ZNF18: variants seen among roughly 807,000 people sequenced by gnomAD.
ZNF18 encodes zinc finger protein 18, also known as heart development-specific gene 1 protein.
In ZNF18, 42 loss-of-function variants were observed where a neutral mutation model predicts 58.1. That is an observed-to-expected ratio of 0.72 (90% CI 0.56 to 0.93). ZNF18 has a LOEUF of 0.93. Among genes scored for constraint, ZNF18 ranks in the 40% least tolerant of loss-of-function variants. ZNF18 has a pLI of 0.00. For synonymous variants in ZNF18, 231 were observed against 239.8 expected (o/e 0.96, Z 0.34); for missense variants, 540 against 644.2 (o/e 0.84, Z 1.75).
At chr17:11,985,692 C>G (rs1306468494) in intron 4 of ZNF18, among the ~76,000 whole-genome samples, 1 of 152,100 alleles carries the variant, frequency 6.6e-6, no homozygotes, top group Non-Finnish European at 1.5e-5. Flanking sequence ...TTCCCAAGAC[C>G]CTGTCCAGGA....
the ZNF18 span, among the ~76,000 whole-genome samples, chr17:12,004,742 C>G: frequency 3.9e-5 from 6 of 152,016 alleles, no homozygotes; most frequent in African/African-American, 1.4e-4. Flanking sequence ...CAAAAATTAG[C>G]TGGGTGTGGT....
chr17:11,988,309 G>C (rs1348291190), intron 4 of ZNF18, among the ~76,000 whole-genome samples: 1 of 152,194 alleles, frequency 6.6e-6, no homozygotes, highest in African/African-American at 2.4e-5. Flanking sequence ...GTGAGCTCTA[G>C]TTATCCAAAC....
upstream of ZNF18, among the ~76,000 whole-genome samples, chr17:11,999,451 T>A (rs1968620343): frequency 6.6e-6 from 1 of 152,226 alleles, no homozygotes; most frequent in Non-Finnish European, 1.5e-5. Context: ...CTTTATAAAC[T>A]GGCACCTTAG....
the ZNF18 span, chr17:12,020,925 G>C: frequency 1.6e-6 from 2 of 1,217,772 alleles, no homozygotes; most frequent in Non-Finnish European, 2.0e-6. Context: ...GCGGCTCCGG[G>C]GGCGGCAGCG....
At chr17:11,986,177 C>T (rs1967729163) in intron 4 of ZNF18, among the ~76,000 whole-genome samples, 1 of 152,218 alleles carries the variant, frequency 6.6e-6, no homozygotes, top group Non-Finnish European at 1.5e-5. Flanking sequence ...TGCCTGCCGC[C>T]ATCCTTGAAA....
the ZNF18 span, among the ~76,000 whole-genome samples, chr17:12,014,997 G>A: frequency 5.3e-5 from 8 of 151,978 alleles, no homozygotes; most frequent in Non-Finnish European, 8.8e-5. Context: ...GCAGTGAGCC[G>A]AGATCAAGCC....
At chr17:12,013,152 G>A in the ZNF18 span, among the ~76,000 whole-genome samples, 5 of 151,988 alleles carry the variant, frequency 3.3e-5, no homozygotes, top group Admixed American at 6.5e-5. Flanking sequence ...GGGTTTCACC[G>A]TGTTAGCTGG....
At chr17:12,017,877 CAAA>C in the ZNF18 span, among the ~76,000 whole-genome samples, 1 of 139,928 alleles carries the variant, frequency 7.1e-6, no homozygotes, top group African/African-American at 2.8e-5. Flanking sequence ...AACACCATCT[CAAA>C]AAAAAAAAAA....
chr17:11,991,222 G>A, intron 2 of ZNF18, 59 bp from the exon 3 acceptor site: 2 of 1,448,686 alleles, frequency 1.4e-6, no homozygotes, highest in Non-Finnish European at 1.9e-6. Flanking sequence ...ATCTCTAAAA[G>A]ACACAAAGCT....
the ZNF18 span, among the ~76,000 whole-genome samples, chr17:12,007,904 A>T: frequency 2.0e-5 from 3 of 152,206 alleles, no homozygotes; most frequent in Admixed American, 2.0e-4. Flanking sequence ...ACACTGGGGA[A>T]CACAGAGAGA....
chr17:12,018,897 C>T, the ZNF18 span, among the ~76,000 whole-genome samples: 12 of 151,042 alleles, frequency 7.9e-5, no homozygotes, highest in Middle Eastern at 3.5e-3. Flanking sequence ...TCCCAATTTC[C>T]CTTAATGAAT....
upstream of ZNF18, among the ~76,000 whole-genome samples, chr17:12,001,246 G>A (rs1312757337): frequency 1.3e-5 from 2 of 152,186 alleles, no homozygotes; most frequent in Non-Finnish European, 2.9e-5. Context: ...ATAGAGAGGT[G>A]TTGATCAAAG....
At chr17:12,013,302 T>A in the ZNF18 span, among the ~76,000 whole-genome samples, 1 of 152,274 alleles carries the variant, frequency 6.6e-6, no homozygotes, top group African/African-American at 2.4e-5. Context: ...ATGTTATAAA[T>A]TGAAACATTT....
chr17:11,983,446 G>C, intron 5 of ZNF18, 39 bp from the exon 6 acceptor site: 2 of 1,493,892 alleles, frequency 1.3e-6, no homozygotes, highest in Non-Finnish European at 1.9e-6. Context: ...TGGATGAATA[G>C]GGAAGACTGG....
the ZNF18 span, chr17:12,020,992 A>G: frequency 8.3e-7 from 1 of 1,207,050 alleles, no homozygotes; most frequent in Non-Finnish European, 1.0e-6. Context: ...GGCCGTCAGC[A>G]GCATGCAGGG....
chr17:12,003,896 C>T, the ZNF18 span, among the ~76,000 whole-genome samples: 2 of 152,146 alleles, frequency 1.3e-5, no homozygotes, highest in Admixed American at 6.5e-5. Context: ...ATAGAAGGTG[C>T]CATAAGGGAA....
At chr17:11,982,147 C>T (rs1967404369) in intron 6 of ZNF18, among the ~76,000 whole-genome samples, 1 of 152,144 alleles carries the variant, frequency 6.6e-6, no homozygotes, top group Non-Finnish European at 1.5e-5. Context: ...CATACTGGCA[C>T]CCTGATCTTG....
At chr17:12,006,819 GAAAGA>G in the ZNF18 span, among the ~76,000 whole-genome samples, 1 of 151,762 alleles carries the variant, frequency 6.6e-6, no homozygotes, top group Non-Finnish European at 1.5e-5. Context: ...TATCCCAGAA[GAAAGA>G]AAAAAGCTGT....
At chr17:11,999,747 T>C (rs953390483), upstream of ZNF18, among the ~76,000 whole-genome samples, 6 of 152,144 alleles carry the variant, frequency 3.9e-5, no homozygotes, top group African/African-American at 1.4e-4. Flanking sequence ...ATAGGTGTTG[T>C]GAAGAAAATT....
Sources: gnomAD v4.1 joint callset for allele counts (sites outside exome capture counted in the v4.1 genomes callset) on GRCh38, gnomAD v4.1.1 for gene constraint, MANE v1.5 for transcripts, NCBI Gene and HGNC (gene_info 2026-07-23, HGNC 2026-07-21) for gene names.